CES2: variants seen among roughly 807,000 people sequenced by gnomAD.
CES2 encodes carboxylesterase 2.
CES2 carries 42 observed loss-of-function variants against 52.1 expected under a neutral mutation model. That is an observed-to-expected ratio of 0.81 (90% CI 0.63 to 1.04). The LOEUF is 1.04. Among genes scored for constraint, CES2 ranks in the 50% least tolerant of loss-of-function variants. CES2 has a pLI of 0.00. For synonymous variants in CES2, 277 were observed against 289.6 expected (o/e 0.96, Z 0.44); for missense variants, 656 against 724.3 (o/e 0.91, Z 1.08).
chr16:66,938,517 T>C, intron 2 of CES2: 1 of 500,102 alleles, frequency 2.0e-6, no homozygotes, highest in Non-Finnish European at 3.6e-6. Context: ...CCCCAGATTC[T>C]GGTTATGCCA....
chr16:66,942,484 CA>C, intron 9 of CES2, 163 bp from the exon 10 acceptor site: 1 of 833,024 alleles, frequency 1.2e-6, no homozygotes, highest in Non-Finnish European at 1.8e-6. Flanking sequence ...GATGACACAG[CA>C]AAGAATCGCA....
In CES2 at chr16:66,939,265, C is replaced by T. The variant is rs761017442; in HGVS notation, c.330C>T (p.Phe110=). 1 of 1,613,800 alleles carries T rather than the reference C, an allele frequency of 6.2e-7. No individual in the cohort carries two copies. The highest frequency in any genetic ancestry group is 1.1e-5 in the South Asian group (1 of 91,050). The change falls in exon 3 of 12, where the codon TTC becomes TTT. Residue 110 remains phenylalanine, a synonymous_variant. Transcript: ENST00000317091. ...TGGAGTCAGAGTTTCTTAGCCAGTT[C>T]AACATGACCTTCCCTTCCGACTCCA... The part of the protein sequence containing the change: ...TAVESEFLSQ[F]NMTFPSDSMS...
intron 1 of CES2, 94 bp from the exon 2 acceptor site, chr16:66,937,943 T>C: frequency 9.8e-7 from 1 of 1,015,574 alleles, no homozygotes; most frequent in Non-Finnish European, 1.5e-6. Flanking sequence ...TCCCTTGAGC[T>C]AAGATGAGGA....
Position 66,935,673 on chromosome 16 carries a change from T to C in CES2, c.38T>C (p.Val13Ala). The change falls in exon 1 of 12, where the codon GTG becomes GCG. Residue 13 changes from valine to alanine, a missense_variant. Transcript: ENST00000317091. ...LHRLRARLSA[V>A]ACGLLLLLVR... ...AGACTTCGTGCGCGGCTGAGCGCGG[T>C]GGCCTGTGGGCTTCTGCTGCTTCTT... 1 of 1,602,104 alleles carries C rather than the reference T, an allele frequency of 6.2e-7. No homozygotes were observed. Among genetic ancestry groups the C allele is most frequent in the Non-Finnish European group, 8.5e-7 (1 of 1,179,814 alleles).
chr16:66,935,117 A>G, upstream of CES2: 1 of 279,274 alleles, frequency 3.6e-6, no homozygotes, highest in Non-Finnish European at 6.8e-6. Context: ...TCCAGAATGA[A>G]GGGCGCCGAC....
Position 66,943,203 on chromosome 16 carries a change from C to A in CES2, c.1421-96C>A. 7.9e-7 allele frequency: 1 copy of A among 1,260,818 alleles called. No homozygotes were observed. Among genetic ancestry groups the A allele is most frequent in the Admixed American group, 2.0e-5 (1 of 50,672 alleles). 78.1% of individuals were successfully genotyped at this position (1,260,818 alleles called of 1,614,324 possible). ...TGGAAGAAAAAGCGGAGAAGCAGGACTGGGGACCGAGGTCTCGGGGGCCAA... is the reference window on the plus strand; with the variant it reads ...TGGAAGAAAAAGCGGAGAAGCAGGAATGGGGACCGAGGTCTCGGGGGCCAA... On this transcript the variant is annotated intron_variant, in intron 10 of 11. Coordinates refer to ENST00000317091, the MANE Select transcript of CES2 (RefSeq NM_001365405.1). This position sits in a 1 kb window ranked among gnomAD's most constrained non-coding sequence, Gnocchi z 4.2.
At position 66,941,498 on chromosome 16, in the gene CES2, C is replaced by G. The variant is rs1963361514; in HGVS notation, c.916-8C>G. 1.9e-6 allele frequency: 3 copies of G among 1,613,572 alleles called. No homozygotes were observed. The highest frequency in any genetic ancestry group is 2.5e-6 in the Non-Finnish European group (3 of 1,179,794). The stretch of plus-strand genomic sequence containing the variant: ...GACCTTGTTCCCTGACCTTACATTT[C>G]CCCTCAGCCTTTCAAGATGATCCCC... On this transcript the variant is annotated splice_region_variant and splice_polypyrimidine_tract_variant and intron_variant, in intron 6 of 11. Coordinates refer to ENST00000317091, the MANE Select transcript of CES2 (RefSeq NM_001365405.1).
At position 66,938,034 on chromosome 16, in the gene CES2, CAGGCCAGG is replaced by C; in HGVS notation, c.77-1_83del. The C allele has an allele frequency of 6.2e-7, 1 of 1,612,388 alleles. No individual in the cohort carries two copies. The highest frequency in any genetic ancestry group is 1.7e-5 in the Admixed American group (1 of 59,992). On this transcript the variant is annotated splice_acceptor_variant and coding_sequence_variant, in exon 2 of 12. Coordinates refer to ENST00000317091, the MANE Select transcript of CES2 (RefSeq NM_001365405.1). LOFTEE classifies it high-confidence loss of function. ...ACCGTGATGTCTGTCTCTCTGCCCACAGGCCAGGACTCAGCCAGTCCCATCCGGACCAC... is the reference window on the plus strand; with the variant it reads ...ACCGTGATGTCTGTCTCTCTGCCCACACTCAGCCAGTCCCATCCGGACCAC...
At chr16:66,941,029 A>G (rs1427102307) in intron 5 of CES2, 95 bp from the exon 6 acceptor site, 2 of 1,537,382 alleles carry the variant, frequency 1.3e-6, no homozygotes, top group East Asian at 2.3e-5. Context: ...GTACCCTCTG[A>G]GATTTGGGGT....
upstream of CES2, chr16:66,934,765 C>T (rs796300186): frequency 3.6e-5 from 7 of 192,692 alleles, no homozygotes; most frequent in African/African-American, 1.6e-4. This position sits in a 1 kb window ranked among gnomAD's most constrained non-coding sequence, Gnocchi z 4.1. Flanking sequence ...GGCAGGGATC[C>T]TAGTGTCTCG....
intron 2 of CES2, among the ~76,000 whole-genome samples, chr16:66,938,983 GAATGAT>G (rs1181385260): frequency 2.9e-4 from 44 of 152,176 alleles, no homozygotes; most frequent in Non-Finnish European, 5.9e-5. Flanking sequence ...GCAGTGCGAG[GAATGAT>G]ACCCAAGGTC....
In CES2 at chr16:66,935,660, CG is replaced by C. The variant is rs777401090; in HGVS notation, c.27del (p.Leu10Ter). ...CATGCGGCTGCACAGACTTCGTGCG[CG>C]GCTGAGCGCGGTGGCCTGTGGGCTT... The part of the protein sequence containing the change: MRLHRLRA[R>X]LSAVACGLLL... On this transcript the variant is annotated frameshift_variant, in exon 1 of 12. Coordinates refer to ENST00000317091, the MANE Select transcript of CES2 (RefSeq NM_001365405.1). LOFTEE classifies it high-confidence loss of function. 5 of 1,603,270 alleles carry C rather than the reference CG, an allele frequency of 3.1e-6. No homozygotes were observed. Among genetic ancestry groups the C allele is most frequent in the Non-Finnish European group, 4.2e-6 (5 of 1,179,850 alleles).
chr16:66,939,298 G>A lies in CES2; in HGVS notation c.363G>A (p.Glu121=). ...NMTFPSDSMS[E]DCLYLSIYTP... is the part of the protein sequence containing the mutation. Reference sequence around the variant, plus strand: ...CCTTCCCTTCCGACTCCATGTCTGAGGACTGCCTGTACCTCAGCATCTACA... The same window carrying A: ...CCTTCCCTTCCGACTCCATGTCTGAAGACTGCCTGTACCTCAGCATCTACA... The change falls in exon 3 of 12, where the codon GAG becomes GAA. Residue 121 remains glutamate, a synonymous_variant. Transcript: ENST00000317091. 1 of 1,613,926 alleles carries A rather than the reference G, an allele frequency of 6.2e-7. No homozygotes were observed. Among genetic ancestry groups the A allele is most frequent in the East Asian group, 2.2e-5 (1 of 44,874 alleles).
At position 66,943,522 on chromosome 16, in the gene CES2, TGG is replaced by T; in HGVS notation, c.1493+155_1493+156del. The T allele has an allele frequency of 1.3e-6, 1 of 750,870 alleles. No individual in the cohort carries two copies. Among genetic ancestry groups the T allele is most frequent in the Non-Finnish European group, 2.2e-6 (1 of 453,586 alleles). 46.5% of individuals were successfully genotyped at this position (750,870 alleles called of 1,614,324 possible). On this transcript the variant is annotated intron_variant, in intron 11 of 11. Coordinates refer to ENST00000317091, the MANE Select transcript of CES2 (RefSeq NM_001365405.1). This position sits in a 1 kb window ranked among gnomAD's most constrained non-coding sequence, Gnocchi z 4.2. ...AGCTCCGGGACCCACTCAGACAGGG[TGG>T]GGGTGCGTGGGGCAGTGGACACGCT...
chr16:66,942,366 T>C, intron 9 of CES2, 117 bp downstream of exon 9: 1 of 1,099,274 alleles, frequency 9.1e-7, no homozygotes, highest in Non-Finnish European at 1.3e-6. Context: ...CGGGGACACT[T>C]GACATCCATC....
At chr16:66,939,161 G>A (rs1029717064) in intron 2 of CES2, 56 bp from the exon 3 acceptor site, 39 of 1,554,142 alleles carry the variant, frequency 2.5e-5, no homozygotes, top group Non-Finnish European at 3.5e-5. Flanking sequence ...CTGAACCCAG[G>A]GTCTGGTTTT....
rs1597012019 is a variant in CES2, at chr16:66,944,054, T to G, written c.*29T>G. ...CCTGTGCCGGGGAGGAGGGGGTGGG[T>G]TCGCTGACAGGCGAGGGTCAGCCTG... On this transcript the variant is annotated 3_prime_UTR_variant, in exon 12 of 12. Transcript: ENST00000317091. 2 of 1,256,988 alleles carry G rather than the reference T, an allele frequency of 1.6e-6. No individual in the cohort carries two copies. The highest frequency in any genetic ancestry group is 2.2e-6 in the Non-Finnish European group (2 of 915,606). The allele number at this position is 1,256,988 out of a possible 1,614,324, so 77.9% of individuals were successfully genotyped here.
rs745968666 is a variant in CES2, at chr16:66,940,560, G to A, written c.681G>A (p.Glu227=). The A allele has an allele frequency of 1.9e-6, 3 of 1,614,132 alleles. No individual in the cohort carries two copies. Among genetic ancestry groups the A allele is most frequent in the Non-Finnish European group, 2.5e-6 (3 of 1,180,048 alleles). The change falls in exon 5 of 12, where the codon GAG becomes GAA. Residue 227 remains glutamate, a synonymous_variant. Coordinates refer to ENST00000317091, the MANE Select transcript of CES2 (RefSeq NM_001365405.1). ...GNPDRVTIFG[E]SAGGTSVSSL... The stretch of plus-strand genomic sequence containing the variant: ...CTGACCGTGTCACCATTTTTGGCGA[G>A]TCTGCGGGTGGCACGAGTGTGTCTT...
rs1963414682 is a variant in CES2, at chr16:66,943,580, G to A, written c.1493+209G>A. On this transcript the variant is annotated intron_variant, in intron 11 of 11. Coordinates refer to ENST00000317091, the MANE Select transcript of CES2 (RefSeq NM_001365405.1). The surrounding 1 kb of genome is among the most constrained non-coding windows in gnomAD (Gnocchi z 4.2). The stretch of plus-strand genomic sequence containing the variant: ...TCTCCAGTCTACCTGGAGGGTGGGC[G>A]CCAGTGCTGTGCCACCGTCAGGGCC... 8.2e-6 allele frequency: 5 copies of A among 607,998 alleles called. No homozygotes were observed. Among genetic ancestry groups the A allele is most frequent in the East Asian group, 5.6e-5 (2 of 35,452 alleles). 37.7% of individuals were successfully genotyped at this position (607,998 alleles called of 1,614,324 possible). A position where few individuals can be genotyped will look rare whatever the true frequency, so the allele number is the denominator to read the frequency against.
Sources: allele counts gnomAD v4.1 joint callset (sites outside exome capture counted in the v4.1 genomes callset), GRCh38; gene constraint gnomAD v4.1.1; non-coding constraint Gnocchi (gnomAD v3.1); transcripts MANE v1.5; gene names NCBI Gene and HGNC (gene_info 2026-07-23, HGNC 2026-07-21).